CDIN1: variants seen among roughly 807,000 people sequenced by gnomAD.
CDIN1 encodes CDAN1 interacting nuclease 1, also known as CDAN1-interacting nuclease 1.
CDIN1 carries 33 observed loss-of-function variants against 45.3 expected under a neutral mutation model. That is an observed-to-expected ratio of 0.73 (90% CI 0.55 to 0.97). The LOEUF (loss-of-function observed/expected upper bound fraction) is 0.97, where lower values mean the gene tolerates loss of function less well. Ranked by LOEUF, CDIN1 falls within the 50% of genes least tolerant of loss-of-function variation. The probability of loss-of-function intolerance (pLI) is 0.00; values close to 1 mark genes in which losing one functional copy is unlikely to be tolerated. For synonymous variants in CDIN1, 118 were observed against 124.4 expected (o/e 0.95, Z 0.34); for missense variants, 303 against 339.4 (o/e 0.89, Z 0.84).
intron 1 of CDIN1, among the ~76,000 whole-genome samples, chr15:36,625,840 T>C (rs976170263): frequency 5.3e-5 from 8 of 152,162 alleles, no homozygotes; most frequent in African/African-American, 1.4e-4. Context: ...ATACCATAGA[T>C]TGGGTAGCTT....
At chr15:36,680,514 A>G (rs747445551) in intron 5 of CDIN1, among the ~76,000 whole-genome samples, 1 of 152,216 alleles carries the variant, frequency 6.6e-6, no homozygotes, top group African/African-American at 2.4e-5. Flanking sequence ...GTGACCAGGT[A>G]TAAACAAGAG....
intron 10 of CDIN1, among the ~76,000 whole-genome samples, chr15:36,721,908 G>T (rs1443969025): frequency 6.6e-6 from 1 of 151,910 alleles, no homozygotes; most frequent in Non-Finnish European, 1.5e-5. Flanking sequence ...GAGACTGCTG[G>T]ACTTCACCTG....
chr15:36,612,653 A>G (rs562650731), intron 1 of CDIN1, among the ~76,000 whole-genome samples: 1 of 152,256 alleles, frequency 6.6e-6, no homozygotes, highest in South Asian at 2.1e-4. Context: ...TATGATGCTG[A>G]GCGTCTTTAC....
chr15:36,710,350 G>A (rs1414182744), intron 10 of CDIN1, among the ~76,000 whole-genome samples: 1 of 152,122 alleles, frequency 6.6e-6, no homozygotes, highest in Non-Finnish European at 1.5e-5. Flanking sequence ...TCTGAGGAAA[G>A]TAGCCAAATG....
chr15:36,761,182 T>C (rs2053752210), intron 10 of CDIN1, among the ~76,000 whole-genome samples: 1 of 152,214 alleles, frequency 6.6e-6, no homozygotes, highest in Non-Finnish European at 1.5e-5. Context: ...ACCCTCAAGC[T>C]CTGGAACAGG....
At chr15:36,590,868 C>T (rs2037538754) in intron 1 of CDIN1, among the ~76,000 whole-genome samples, 1 of 152,138 alleles carries the variant, frequency 6.6e-6, no homozygotes, top group South Asian at 2.1e-4. Flanking sequence ...TTTGGGATGC[C>T]GGTGTTGGCT....
At chr15:36,697,018 A>G (rs1461027173) in intron 7 of CDIN1, among the ~76,000 whole-genome samples, 1 of 150,732 alleles carries the variant, frequency 6.6e-6, no homozygotes. Flanking sequence ...CCTGCTACCC[A>G]GGAGGCTGAG....
At chr15:36,597,099 C>T (rs1215662951) in intron 1 of CDIN1, among the ~76,000 whole-genome samples, 1 of 152,152 alleles carries the variant, frequency 6.6e-6, no homozygotes, top group East Asian at 1.9e-4. Context: ...AAGCTTATTA[C>T]ATCACTAAAT....
chr15:36,686,748 G>A (rs2042066015), intron 5 of CDIN1, among the ~76,000 whole-genome samples: 1 of 147,422 alleles, frequency 6.8e-6, no homozygotes. Context: ...GAGAGAGAGA[G>A]AAGGGAGGGA....
intron 1 of CDIN1, among the ~76,000 whole-genome samples, chr15:36,620,476 A>T (rs2039133139): frequency 6.6e-6 from 1 of 151,872 alleles, no homozygotes; most frequent in Admixed American, 6.6e-5. Context: ...ATGGGAAACA[A>T]TTTTTTTTTC....
intron 8 of CDIN1, chr15:36,706,848 GA>G (rs1274991368): frequency 1.3e-5 from 2 of 152,124 alleles, no homozygotes; most frequent in Non-Finnish European, 2.9e-5. Flanking sequence ...ATTAAGAAAG[GA>G]AATTATTGTC....
At chr15:36,619,945 CTT>C (rs1229665394) in intron 1 of CDIN1, among the ~76,000 whole-genome samples, 2 of 151,600 alleles carry the variant, frequency 1.3e-5, no homozygotes, top group Non-Finnish European at 2.9e-5. Flanking sequence ...TTGAGTCTGT[CTT>C]TTTGACCTTA....
At chr15:36,652,791 TTATAAA>T (rs1280860508) in intron 3 of CDIN1, among the ~76,000 whole-genome samples, 1 of 152,146 alleles carries the variant, frequency 6.6e-6, no homozygotes, top group Admixed American at 6.5e-5. Flanking sequence ...TTATACAACT[TTATAAA>T]TATACTCATG....
chr15:36,711,228 A>G (rs919169510), intron 10 of CDIN1, among the ~76,000 whole-genome samples: 7 of 152,122 alleles, frequency 4.6e-5, no homozygotes, highest in Non-Finnish European at 1.0e-4. Context: ...AGGAAAATCA[A>G]ATTGCATAAG....
In CDIN1 at chr15:36,734,284, A is replaced by C. The variant is rs1282337153; in HGVS notation, c.716+24323A>C. On this transcript the variant is annotated intron_variant, in intron 10 of 10. Transcript: ENST00000566621. ...TATCAGTGCATATGCTGTTTGTTTT[A>C]ATTAACATGTTCATGTACACTTTGT... The C allele has an allele frequency of 9.9e-6, 3 of 304,196 alleles. No individual in the cohort carries two copies. The Admixed American group carries it at 1.2e-4, about 12-fold the overall frequency. 18.8% of individuals were successfully genotyped at this position (304,196 alleles called of 1,614,324 possible). A position where few individuals can be genotyped will look rare whatever the true frequency, so the allele number is the denominator to read the frequency against.
chr15:36,644,566 C>T (rs1446912889), intron 2 of CDIN1, among the ~76,000 whole-genome samples: 2 of 152,098 alleles, frequency 1.3e-5, no homozygotes, highest in African/African-American at 4.8e-5. Flanking sequence ...CATTATTATT[C>T]TGACAATAAT....
intron 10 of CDIN1, among the ~76,000 whole-genome samples, chr15:36,759,170 G>T (rs1326394465): frequency 6.6e-6 from 1 of 151,990 alleles, no homozygotes; most frequent in Non-Finnish European, 1.5e-5. Context: ...CCAGCAGTAG[G>T]CTCAGGGACA....
In CDIN1 at chr15:36,594,801, G is replaced by C. The variant is rs148405498; in HGVS notation, c.101+14840G>C. 9.3e-3 allele frequency: 6,038 copies of C among 648,350 alleles called. 25 individuals carry two copies. The highest frequency in any genetic ancestry group is 0.013 in the Admixed American group (183 of 14,082). The allele number at this position is 648,350 out of a possible 1,614,324, so 40.2% of individuals were successfully genotyped here. ...TGCCTATGTGGCTATTGGCTAAATG[G>C]GAGTCCGGCACTTAAAATTTTTTTT... On this transcript the variant is annotated intron_variant, in intron 1 of 10. Coordinates refer to ENST00000566621, the MANE Select transcript of CDIN1 (RefSeq NM_001321759.2).
chr15:36,618,251 C>T (rs914977845), intron 1 of CDIN1: 2 of 669,124 alleles, frequency 3.0e-6, no homozygotes, highest in African/African-American at 1.8e-5. Context: ...GAACACTCAA[C>T]AGAGGACTCT....
Sources: gnomAD v4.1 joint callset for allele counts (sites outside exome capture counted in the v4.1 genomes callset) on GRCh38, gnomAD v4.1.1 for gene constraint, MANE v1.5 for transcripts, NCBI Gene and HGNC (gene_info 2026-07-23, HGNC 2026-07-21) for gene names.